PLOD1: variants seen among roughly 807,000 people sequenced by gnomAD.
The protein encoded by PLOD1 is lysine hydroxylase.
Under a neutral mutation model 94.7 loss-of-function variants are expected in PLOD1, and 70 were observed. The observed-to-expected ratio is 0.74, with a 90% CI of 0.61 to 0.90. PLOD1 has a LOEUF of 0.90. Among genes scored for constraint, PLOD1 ranks in the 40% least tolerant of loss-of-function variants. The pLI is 0.00. For missense variants in PLOD1, 905 were observed against 972.7 expected, an observed-to-expected ratio of 0.93 and a Z score of 0.93; for synonymous variants, 417 against 400.2, an observed-to-expected ratio of 1.04 and a Z score of -0.50.
chr1:11,966,308 G>A lies in PLOD1; in HGVS notation c.1642G>A (p.Val548Met). ...CACCAAAGCCCTGGCAGGGAAGCTG[G>A]TGGAGACGGTAAGGGCCATGGACAC... is the stretch of plus-strand genomic sequence containing the variant. ...NYTKALAGKL[V>M]ETPCPDVYWF... The change falls in exon 15 of 19, where the codon GTG becomes ATG. Residue 548 changes from valine (V) to methionine (M), a missense_variant. Physicochemically the swap from Val to Met is conservative, Grantham distance 21 (BLOSUM62 1). Transcript: ENST00000196061. 2 of 1,605,448 alleles carry A rather than the reference G, an allele frequency of 1.2e-6. No individual in the cohort carries two copies. The highest frequency in any genetic ancestry group is 8.5e-7 in the Non-Finnish European group (1 of 1,175,702).
At chr1:11,943,300 CT>C (rs1553132909) in intron 1 of PLOD1, among the ~76,000 whole-genome samples, 244 of 141,244 alleles carry the variant, frequency 1.7e-3, no homozygotes, top group Non-Finnish European at 1.8e-3. Flanking sequence ...TTTTTTCTTT[CT>C]TTTTTTTTTT....
At chr1:11,959,031 C>G (rs1001394493) in intron 9 of PLOD1, among the ~76,000 whole-genome samples, 18 of 151,976 alleles carry the variant, frequency 1.2e-4, no homozygotes, top group Admixed American at 1.2e-3. Context: ...ATGGTGAAAC[C>G]CTGCCTCTAC....
chr1:11,966,050 C>T (rs769237388), intron 14 of PLOD1, among the ~76,000 whole-genome samples: 8 of 152,120 alleles, frequency 5.3e-5, no homozygotes, highest in Non-Finnish European at 1.2e-4. Flanking sequence ...CAAGCACACA[C>T]ATGTACATAC....
chr1:11,965,712 C>A (rs1239552570), intron 14 of PLOD1, 119 bp downstream of exon 14: 2 of 670,822 alleles, frequency 3.0e-6, no homozygotes, highest in Non-Finnish European at 5.4e-6. Context: ...CACCTGCCAC[C>A]CTCCCTTCAC....
chr1:11,945,512 G>GTCCCTTGCATGGTCCCTTGCATGA (rs1441762377), intron 1 of PLOD1, among the ~76,000 whole-genome samples: 1 of 151,856 alleles, frequency 6.6e-6, no homozygotes, highest in African/African-American at 2.4e-5. Context: ...TGCATGGGAG[G>GTCCCTTGCATGGTCCCTTGCATGA]TCCCTTGCAT....
Position 11,954,417 on chromosome 1 carries a change from C to T in PLOD1, c.580-413C>T, listed in dbSNP as rs554440516. ...AGGAGAATCGCTTGAACCCAGGAGGCGGAGGTTGCAGTGAGTCGAGGTCGT... is the reference window on the plus strand; with the variant it reads ...AGGAGAATCGCTTGAACCCAGGAGGTGGAGGTTGCAGTGAGTCGAGGTCGT... On this transcript the variant is annotated intron_variant, in intron 5 of 18. Transcript: ENST00000196061. 7.7e-5 allele frequency: 33 copies of T among 426,860 alleles called. No homozygotes were observed. The East Asian group carries it at 1.7e-3, about 22-fold the overall frequency. The allele number at this position is 426,860 out of a possible 1,614,324, so 26.4% of individuals were successfully genotyped here.
intron 6 of PLOD1, among the ~76,000 whole-genome samples, chr1:11,956,528 GC>G (rs1645738839): frequency 1.3e-5 from 2 of 152,142 alleles, no homozygotes; most frequent in South Asian, 4.1e-4. Flanking sequence ...GTGCTGCTCT[GC>G]CTACTCAGAG....
chr1:11,957,920 T>C lies in PLOD1; in HGVS notation c.820T>C (p.Leu274=). Residue 274 remains leucine (L), a synonymous_variant, in exon 8 of 19, where the codon TTG becomes CTG. Coordinates refer to ENST00000196061, the MANE Select transcript of PLOD1 (RefSeq NM_000302.4). This position sits in a 1 kb window ranked among gnomAD's most constrained non-coding sequence, Gnocchi z 4.1. ...AGGCTGCACCGTGTGTGACGAAGGCTTGCGCAGCCTCAAGGGCATTGGGGT... is the reference window on the plus strand; with the variant it reads ...AGGCTGCACCGTGTGTGACGAAGGCCTGCGCAGCCTCAAGGGCATTGGGGT... ...ETGCTVCDEG[L]RSLKGIGDEA... 1 of 1,613,508 alleles carries C rather than the reference T, an allele frequency of 6.2e-7. No homozygotes were observed. The highest frequency in any genetic ancestry group is 1.1e-5 in the South Asian group (1 of 91,070).
rs756846064 is a variant in PLOD1, at chr1:11,970,674, A to G, written c.1760A>G (p.Asn587Ser). Residue 587 changes from asparagine (N) to serine (S), a missense_variant, in exon 17 of 19, where the codon AAC (asparagine) becomes AGC (serine). Physicochemically the swap from Asn to Ser is conservative, Grantham distance 46. Transcript: ENST00000196061. ...GQWSLGNNKD[N>S]RIQGGYENVP... ...ATTCACCTCGGTCACCTCCAGGACA[A>G]CCGCATCCAGGGTGGCTACGAGAAC... is the stretch of plus-strand genomic sequence containing the variant. The G allele has an allele frequency of 1.8e-5, 29 of 1,612,970 alleles. No homozygotes were observed. Among genetic ancestry groups the G allele is most frequent in the African/African-American group, 1.5e-4 (11 of 74,740 alleles).
chr1:11,952,687 C>A lies in PLOD1; in HGVS notation c.531C>A (p.Asp177Glu). The change falls in exon 5 of 19, where the codon GAC (aspartate) becomes GAA (glutamate). Residue 177 changes from aspartate (D) to glutamate (E), a missense_variant. Transcript: ENST00000196061. ...CCGAGTGGGAGGGCCAGGACAGCGA[C>A]AGCGATCAGCTGTTTTACACCAAGA... ...LVAEWEGQDS[D>E]SDQLFYTKIF... 6.2e-7 allele frequency: 1 copy of A among 1,614,054 alleles called. No individual in the cohort carries two copies. Among genetic ancestry groups the A allele is most frequent in the Non-Finnish European group, 8.5e-7 (1 of 1,179,958 alleles).
rs562232829 is a variant in PLOD1 at position 11,958,003 on chromosome 1, C to T, written c.843+60C>T. ...CGGGGGGCTCAGTCCCCTGAGATGGCGAGATGGGTGATTCTGGAATAGACT... is the reference window on the plus strand; with the variant it reads ...CGGGGGGCTCAGTCCCCTGAGATGGTGAGATGGGTGATTCTGGAATAGACT... On this transcript the variant is annotated intron_variant, in intron 8 of 18. Coordinates refer to ENST00000196061, the MANE Select transcript of PLOD1 (RefSeq NM_000302.4). This position sits in a 1 kb window ranked among gnomAD's most constrained non-coding sequence, Gnocchi z 4.3. 40 of 1,046,780 alleles carry T rather than the reference C, an allele frequency of 3.8e-5. No homozygotes were observed. The African/African-American group carries it at 4.7e-4, about 12-fold the overall frequency. 64.8% of individuals were successfully genotyped at this position (1,046,780 alleles called of 1,614,324 possible). A position where few individuals can be genotyped will look rare whatever the true frequency, so the allele number is the denominator to read the frequency against.
At chr1:11,945,425 C>CA (rs58172342) in intron 1 of PLOD1, among the ~76,000 whole-genome samples, 81,244 of 144,822 alleles carry the variant, frequency 0.56, 23,580 homozygotes, top group East Asian at 0.71. Context: ...GATTGGGTCT[C>CA]AAAAAAAAAA....
At chr1:11,954,691 T>G in intron 5 of PLOD1, 139 bp from the exon 6 acceptor site, 1 of 789,524 alleles carries the variant, frequency 1.3e-6, no homozygotes, top group South Asian at 1.4e-5. Context: ...GGCACCTAGC[T>G]GCCCTGATGT....
intron 1 of PLOD1, among the ~76,000 whole-genome samples, chr1:11,943,287 T>A (rs977704028): frequency 7.6e-6 from 1 of 132,328 alleles, no homozygotes; most frequent in African/African-American, 3.7e-5. Context: ...CGTGCCCGGC[T>A]TTTTTTTTCT....
chr1:11,948,472 C>T (rs540045265), intron 2 of PLOD1, among the ~76,000 whole-genome samples: 7 of 152,262 alleles, frequency 4.6e-5, no homozygotes, highest in Middle Eastern at 3.4e-3. Context: ...CAGGGGCTCA[C>T]GCCTGTATTC....
chr1:11,945,478 T>TGGTCCCTTGCATGGGA (rs1237002730), intron 1 of PLOD1, among the ~76,000 whole-genome samples: 71 of 151,040 alleles, frequency 4.7e-4, no homozygotes, highest in East Asian at 2.5e-3. Context: ...GAGGGAGCCA[T>TGGTCCCTTGCATGGGA]GGTCCCTTGC....
At chr1:11,952,578 G>A in intron 4 of PLOD1, 45 bp from the exon 5 acceptor site, 2 of 1,410,946 alleles carry the variant, frequency 1.4e-6, no homozygotes, top group Non-Finnish European at 2.0e-6. Context: ...CTTAGAGGCT[G>A]GAAGCTAAGG....
intron 1 of PLOD1, chr1:11,944,681 C>T (rs1645638184): frequency 7.6e-7 from 1 of 1,321,896 alleles, no homozygotes. Flanking sequence ...GCCTCTCCTT[C>T]CCACACCTGC....
intron 1 of PLOD1, among the ~76,000 whole-genome samples, chr1:11,946,591 T>C (rs1645656086): frequency 6.6e-6 from 1 of 152,158 alleles, no homozygotes; most frequent in African/African-American, 2.4e-5. Flanking sequence ...AGCCATGTAT[T>C]TGCTGTCCCT....
Sources: gnomAD v4.1 joint callset for allele counts (sites outside exome capture counted in the v4.1 genomes callset) on GRCh38, gnomAD v4.1.1 for gene constraint, Gnocchi (gnomAD v3.1) non-coding constraint, MANE v1.5 for transcripts, NCBI Gene and HGNC (gene_info 2026-07-23, HGNC 2026-07-21) for gene names.